AGAP1: variants seen among roughly 807,000 people sequenced by gnomAD.
AGAP1 encodes the protein arf-GAP with GTPase, ANK repeat and PH domain-containing protein 1.
In AGAP1, 29 loss-of-function variants were observed where a neutral mutation model predicts 105.3. That is an observed-to-expected ratio of 0.28 (90% CI 0.21 to 0.38). AGAP1 has a LOEUF of 0.38. Among genes scored for constraint, AGAP1 ranks in the 10% least tolerant of loss-of-function variants. The probability of loss-of-function intolerance (pLI) is 1.00; values close to 1 mark genes in which losing one functional copy is unlikely to be tolerated. For synonymous variants in AGAP1, 509 were observed against 485.9 expected (o/e 1.05, Z -0.63); for missense variants, 998 against 1,165.1 (o/e 0.86, Z 2.09).
rs1166584169 is a variant in AGAP1, at chr2:235,608,597, C to A, written c.164-100582C>A. Reference sequence around the variant, plus strand: ...GAAGGACACTGGGGAGCCGATGATGCCCAGAGTGTCTGGGGGACGCATCCA... The same window carrying A: ...GAAGGACACTGGGGAGCCGATGATGACCAGAGTGTCTGGGGGACGCATCCA... On this transcript the variant is annotated intron_variant, in intron 1 of 17. Transcript: ENST00000304032. The surrounding 1 kb of genome is among the most constrained non-coding windows in gnomAD (Gnocchi z 5.4). 2.0e-5 allele frequency among the ~76,000 whole-genome samples: 3 copies of A among 152,214 alleles called. No homozygotes were observed. The highest frequency in any genetic ancestry group is 7.2e-5 in the African/African-American group (3 of 41,448).
intron 1 of AGAP1, among the ~76,000 whole-genome samples, chr2:235,592,538 C>T (rs1054459521): frequency 6.6e-6 from 1 of 152,048 alleles, no homozygotes; most frequent in Admixed American, 6.6e-5. Flanking sequence ...GGCATGAGCT[C>T]TTGGAGGTTC....
intron 1 of AGAP1, among the ~76,000 whole-genome samples, chr2:235,514,408 T>C (rs1227625266): frequency 6.6e-6 from 1 of 152,248 alleles, no homozygotes; most frequent in Admixed American, 6.5e-5. Context: ...GTTGCCTCGC[T>C]GGGCTCCCAG....
At chr2:236,115,195 T>C (rs988952600) in intron 16 of AGAP1, among the ~76,000 whole-genome samples, 1 of 152,188 alleles carries the variant, frequency 6.6e-6, no homozygotes. Context: ...TCACATAACA[T>C]TGAATTATCA....
chr2:235,670,979 G>A (rs1023265231), intron 1 of AGAP1: 62 of 1,321,524 alleles, frequency 4.7e-5, no homozygotes, highest in Non-Finnish European at 5.0e-5. Context: ...GCGGCCACGC[G>A]GCTACTTCAG....
In AGAP1 at chr2:235,582,697, G is replaced by C. The variant is rs935953245; in HGVS notation, c.163+87848G>C. Among the ~76,000 whole-genome samples the C allele has an allele frequency of 6.6e-6, 1 of 152,252 alleles. No homozygotes were observed. Among genetic ancestry groups the C allele is most frequent in the Non-Finnish European group, 1.5e-5 (1 of 68,046 alleles). ...GGATTTAGCTGCTGGAGTGATGGCCGAAGGAGCCTGGGAGAAGTCAGAGAG... is the reference window on the plus strand; with the variant it reads ...GGATTTAGCTGCTGGAGTGATGGCCCAAGGAGCCTGGGAGAAGTCAGAGAG... On this transcript the variant is annotated intron_variant, in intron 1 of 17. Coordinates refer to ENST00000304032, the MANE Select transcript of AGAP1 (RefSeq NM_001037131.3). This position sits in a 1 kb window ranked among gnomAD's most constrained non-coding sequence, Gnocchi z 4.7.
At position 235,967,320 on chromosome 2, in the gene AGAP1, A is replaced by T. The variant is rs1335134990; in HGVS notation, c.1484-1142A>T. Among the ~76,000 whole-genome samples, 2 of 151,942 alleles carry T rather than the reference A, an allele frequency of 1.3e-5. No individual in the cohort carries two copies. The highest frequency in any genetic ancestry group is 2.4e-5 in the African/African-American group (1 of 41,358). On this transcript the variant is annotated intron_variant, in intron 12 of 17. Coordinates refer to ENST00000304032, the MANE Select transcript of AGAP1 (RefSeq NM_001037131.3). This position sits in a 1 kb window ranked among gnomAD's most constrained non-coding sequence, Gnocchi z 4.7. ...TACCCCAGCTACCCTATTTTAAATG[A>T]CACCCCCCATCACTGCCGCCTCTCC...
rs1315046931 is a variant in AGAP1 at position 235,620,454 on chromosome 2, T to G, written c.164-88725T>G. 6.6e-6 allele frequency among the ~76,000 whole-genome samples: 1 copy of G among 152,122 alleles called. No individual in the cohort carries two copies. Among genetic ancestry groups the G allele is most frequent in the Non-Finnish European group, 1.5e-5 (1 of 68,022 alleles). ...CCCTTGCTCATGGCTCTGCTGATCC[T>G]TCAACCAAATGCATGCTCCTGACCC... On this transcript the variant is annotated intron_variant, in intron 1 of 17. Coordinates refer to ENST00000304032, the MANE Select transcript of AGAP1 (RefSeq NM_001037131.3). The surrounding 1 kb of genome is among the most constrained non-coding windows in gnomAD (Gnocchi z 4.5).
intron 13 of AGAP1, among the ~76,000 whole-genome samples, chr2:236,008,050 T>C (rs996078435): frequency 7.2e-5 from 11 of 152,258 alleles, no homozygotes; most frequent in African/African-American, 2.4e-4. Context: ...TTTGGTTTGC[T>C]GTGTGTGTGT....
chr2:235,526,983 T>C (rs1942864640), intron 1 of AGAP1, among the ~76,000 whole-genome samples: 1 of 152,192 alleles, frequency 6.6e-6, no homozygotes, highest in African/African-American at 2.4e-5. Flanking sequence ...GGCATTCTAG[T>C]CTTGTTTTTC....
chr2:235,748,951 G>A (rs888229048), intron 5 of AGAP1, among the ~76,000 whole-genome samples: 8 of 152,216 alleles, frequency 5.3e-5, no homozygotes, highest in Non-Finnish European at 1.2e-4. Flanking sequence ...GCTCACGCCT[G>A]TAATCCCAAC....
In AGAP1 at chr2:235,688,679, C is replaced by T. The variant is rs962429474; in HGVS notation, c.164-20500C>T. On this transcript the variant is annotated intron_variant, in intron 1 of 17. Coordinates refer to ENST00000304032, the MANE Select transcript of AGAP1 (RefSeq NM_001037131.3). ...TTTTCGTCATGACCACGTGTGTACC[C>T]GTTAAGACTAGACAAGGGAGTCACC... 5.9e-5 allele frequency among the ~76,000 whole-genome samples: 9 copies of T among 152,134 alleles called. No homozygotes were observed. The South Asian group carries it at 1.5e-3, about 25-fold the overall frequency.
At chr2:235,773,896 C>T (rs1276609942) in intron 6 of AGAP1, 7 of 449,990 alleles carry the variant, frequency 1.6e-5, no homozygotes, top group Admixed American at 8.4e-5. Flanking sequence ...CTTTTTTCTT[C>T]TTTTCTTGCT....
intron 9 of AGAP1, among the ~76,000 whole-genome samples, chr2:235,854,861 T>C (rs997442027): frequency 1.3e-5 from 2 of 152,128 alleles, no homozygotes; most frequent in African/African-American, 2.4e-5. Context: ...CATTCTTAGT[T>C]TTGGAGTCTG....
At position 235,732,499 on chromosome 2, in the gene AGAP1, G is replaced by T. The variant is rs1952009329; in HGVS notation, c.311-8464G>T. Among the ~76,000 whole-genome samples the T allele has an allele frequency of 1.3e-5, 2 of 152,150 alleles. No individual in the cohort carries two copies. The highest frequency in any genetic ancestry group is 4.8e-5 in the African/African-American group (2 of 41,402). On this transcript the variant is annotated intron_variant, in intron 3 of 17. Transcript: ENST00000304032. This position sits in a 1 kb window ranked among gnomAD's most constrained non-coding sequence, Gnocchi z 4.8. ...TCTTTCTTAAGTCACACTGGAGTGGGAAGCGGTTGTAAGGGACTTCCTTCT... is the reference window on the plus strand; with the variant it reads ...TCTTTCTTAAGTCACACTGGAGTGGTAAGCGGTTGTAAGGGACTTCCTTCT...
At chr2:235,604,484 A>G (rs1279527747) in intron 1 of AGAP1, among the ~76,000 whole-genome samples, 26 of 99,454 alleles carry the variant, frequency 2.6e-4, no homozygotes, top group African/African-American at 1.2e-3. Context: ...CCTGTATCAA[A>G]ATAAAAAAAA....
rs1943178435 is a variant in AGAP1, at chr2:235,535,392, A to G, written c.163+40543A>G. Among the ~76,000 whole-genome samples, 1 of 152,036 alleles carries G rather than the reference A, an allele frequency of 6.6e-6. No homozygotes were observed. Among genetic ancestry groups the G allele is most frequent in the Non-Finnish European group, 1.5e-5 (1 of 68,010 alleles). On this transcript the variant is annotated intron_variant, in intron 1 of 17. Transcript: ENST00000304032. This position sits in a 1 kb window ranked among gnomAD's most constrained non-coding sequence, Gnocchi z 5.1. The stretch of plus-strand genomic sequence containing the variant: ...TGTGAGGTCGCGGCGCCTGACCCTC[A>G]TTATGTCAGTTACTACTAAATGAAA...
In AGAP1 at chr2:236,056,375, G is replaced by C. The variant is rs979819219; in HGVS notation, c.2114+7094G>C. Among the ~76,000 whole-genome samples the C allele has an allele frequency of 6.6e-6, 1 of 152,104 alleles. No homozygotes were observed. Among genetic ancestry groups the C allele is most frequent in the Non-Finnish European group, 1.5e-5 (1 of 68,034 alleles). ...CCTTATCATTTACGTTCTGAAATAC[G>C]GCCGTCGTGACAATTAAGGAGTTTC... On this transcript the variant is annotated intron_variant, in intron 16 of 17. Coordinates refer to ENST00000304032, the MANE Select transcript of AGAP1 (RefSeq NM_001037131.3). This position sits in a 1 kb window ranked among gnomAD's most constrained non-coding sequence, Gnocchi z 4.6.
At chr2:235,898,481 C>A (rs866738882) in intron 10 of AGAP1, among the ~76,000 whole-genome samples, 2 of 107,556 alleles carry the variant, frequency 1.9e-5, no homozygotes, top group East Asian at 3.9e-4. Flanking sequence ...TTCCCCCCCC[C>A]ACCCCCACCC....
intron 16 of AGAP1, among the ~76,000 whole-genome samples, chr2:236,054,005 C>T (rs1226823269): frequency 2.0e-5 from 3 of 152,274 alleles, no homozygotes; most frequent in South Asian, 4.1e-4. Flanking sequence ...AAAAAGATGT[C>T]GCCTTCGATA....
Sources: gnomAD v4.1 joint callset for allele counts (sites outside exome capture counted in the v4.1 genomes callset) on GRCh38, gnomAD v4.1.1 for gene constraint, Gnocchi (gnomAD v3.1) non-coding constraint, MANE v1.5 for transcripts, NCBI Gene and HGNC (gene_info 2026-07-23, HGNC 2026-07-21) for gene names.